The following KHDRBS2 variants were observed in gnomAD, a reference collection of about 807,000 sequenced individuals.
The protein encoded by KHDRBS2 is KH RNA binding domain containing, signal transduction associated 2, also known as KH domain-containing, RNA-binding, signal transduction-associated protein 2.
Under a neutral mutation model 44.3 loss-of-function variants are expected in KHDRBS2, and 26 were observed. The observed-to-expected ratio is 0.59, with a 90% CI of 0.43 to 0.81. KHDRBS2 has a LOEUF of 0.81. KHDRBS2 is among the 40% of genes least tolerant of loss of function. The probability of loss-of-function intolerance (pLI) is 0.00; values close to 1 mark genes in which losing one functional copy is unlikely to be tolerated. For synonymous variants in KHDRBS2, 194 were observed against 151.1 expected (o/e 1.28, Z -2.08); for missense variants, 476 against 433.1 (o/e 1.10, Z -0.88).
downstream of KHDRBS2, among the ~76,000 whole-genome samples, chr6:61,675,351 CTGTT>C (rs1356068820): frequency 4.6e-5 from 7 of 151,754 alleles, no homozygotes; most frequent in Admixed American, 2.6e-4. Flanking sequence ...TATTTAAAAA[CTGTT>C]AGTGCTTCAA....
chr6:61,565,207 G>A, the KHDRBS2 span, among the ~76,000 whole-genome samples: 1 of 151,982 alleles, frequency 6.6e-6, no homozygotes, highest in Non-Finnish European at 1.5e-5. Context: ...CTGAAACCAT[G>A]AAACTATGAG....
chr6:61,952,263 G>T (rs1043912943), intron 4 of KHDRBS2, among the ~76,000 whole-genome samples: 2 of 152,014 alleles, frequency 1.3e-5, no homozygotes, highest in African/African-American at 4.8e-5. Context: ...GGCAGACTGG[G>T]AGCTACACAG....
chr6:61,859,498 G>A (rs1419969744), intron 6 of KHDRBS2, among the ~76,000 whole-genome samples: 1 of 151,688 alleles, frequency 6.6e-6, no homozygotes, highest in Non-Finnish European at 1.5e-5. Context: ...CCATTTATAT[G>A]GGGTTTGGGC....
At chr6:61,749,261 C>A (rs529858178) in intron 6 of KHDRBS2, among the ~76,000 whole-genome samples, 1 of 152,014 alleles carries the variant, frequency 6.6e-6, no homozygotes, top group Non-Finnish European at 1.5e-5. Flanking sequence ...GATCCACATG[C>A]CTCGGCCTCC....
the KHDRBS2 span, among the ~76,000 whole-genome samples, chr6:61,565,998 G>GGTGTGT: frequency 3.6e-4 from 53 of 148,968 alleles, no homozygotes; most frequent in South Asian, 6.4e-4. Context: ...AAGAAAATGT[G>GGTGTGT]GTGTGTGTGT....
At chr6:61,811,674 A>T (rs1439174666) in intron 6 of KHDRBS2, among the ~76,000 whole-genome samples, 1 of 152,030 alleles carries the variant, frequency 6.6e-6, no homozygotes, top group Non-Finnish European at 1.5e-5. Context: ...GTTTCTTGAT[A>T]TCTCAGCTTC....
At chr6:62,022,293 A>T (rs1411447798) in intron 3 of KHDRBS2, among the ~76,000 whole-genome samples, 2 of 151,838 alleles carry the variant, frequency 1.3e-5, no homozygotes, top group African/African-American at 4.8e-5. Context: ...AATGTAATTT[A>T]TGAAGTAAAA....
intron 2 of KHDRBS2, among the ~76,000 whole-genome samples, chr6:62,073,661 A>G (rs1584526575): frequency 6.7e-6 from 1 of 148,510 alleles, no homozygotes; most frequent in Non-Finnish European, 1.5e-5. Flanking sequence ...TGATGTGAGA[A>G]CTTCCTTCTT....
rs183006196 is a variant in KHDRBS2, at chr6:62,010,931, C to A, written c.337-32719G>T. Among the ~76,000 whole-genome samples, 258 of 152,174 alleles carry A rather than the reference C, an allele frequency of 1.7e-3. 9 individuals are homozygous for A. The South Asian group carries it at 0.048, about 28-fold the overall frequency. ...ATAAAATTAGGGCCCAAACATTCCACCTCCTGTATTAAAAAAATAAACATT... is the reference window on the plus strand; with the variant it reads ...ATAAAATTAGGGCCCAAACATTCCAACTCCTGTATTAAAAAAATAAACATT... On this transcript the variant is annotated intron_variant, in intron 3 of 8. Transcript: ENST00000281156.
chr6:61,966,416 C>T (rs549778522), intron 4 of KHDRBS2, among the ~76,000 whole-genome samples: 2 of 152,034 alleles, frequency 1.3e-5, no homozygotes, highest in South Asian at 4.1e-4. Flanking sequence ...GACTGTGATG[C>T]TTCTAGTGTA....
chr6:62,014,917 CA>C (rs1370623058), intron 3 of KHDRBS2, among the ~76,000 whole-genome samples: 4 of 152,058 alleles, frequency 2.6e-5, no homozygotes, highest in Admixed American at 1.3e-4. Context: ...TCTTAATACA[CA>C]AAGATATATC....
chr6:61,753,469 T>C (rs759263071), intron 6 of KHDRBS2, among the ~76,000 whole-genome samples: 3 of 152,194 alleles, frequency 2.0e-5, no homozygotes, highest in Non-Finnish European at 4.4e-5. Flanking sequence ...AACTGTTTAG[T>C]AGAATGATCA....
At chr6:61,572,507 T>TAACA in the KHDRBS2 span, among the ~76,000 whole-genome samples, 2 of 151,666 alleles carry the variant, frequency 1.3e-5, no homozygotes, top group Non-Finnish European at 2.9e-5. Context: ...GGAAAAGACA[T>TAACA]AACAAACAAA....
chr6:61,545,623 T>C, the KHDRBS2 span, among the ~76,000 whole-genome samples: 2 of 151,770 alleles, frequency 1.3e-5, no homozygotes, highest in Non-Finnish European at 1.5e-5. Flanking sequence ...ATATGTTGAG[T>C]GAGAAAAGCA....
intron 6 of KHDRBS2, among the ~76,000 whole-genome samples, chr6:61,878,506 AG>A (rs1344994281): frequency 6.6e-6 from 1 of 151,964 alleles, no homozygotes; most frequent in Admixed American, 6.6e-5. Flanking sequence ...TTGGTTCCCC[AG>A]GGATAGCAGA....
chr6:61,726,982 A>G (rs2127558400), intron 7 of KHDRBS2, among the ~76,000 whole-genome samples: 1 of 152,328 alleles, frequency 6.6e-6, no homozygotes, highest in East Asian at 1.9e-4. Flanking sequence ...CTAAGCAAAG[A>G]GAACAAAGCT....
chr6:62,136,993 C>CTTTTTTTTTTTTTTTTTTTTT (rs141092447), intron 2 of KHDRBS2, among the ~76,000 whole-genome samples: 1 of 78,320 alleles, frequency 1.3e-5, no homozygotes, highest in Non-Finnish European at 2.3e-5. Flanking sequence ...TCTTTCTTTT[C>CTTTTTTTTTTTTTTTTTTTTT]TTTTTTTTTT....
intron 3 of KHDRBS2, among the ~76,000 whole-genome samples, chr6:62,014,973 T>C (rs1584163963): frequency 6.6e-6 from 1 of 152,284 alleles, no homozygotes; most frequent in South Asian, 2.1e-4. Context: ...GTGGATTTTT[T>C]TACCTTGGCA....
Position 61,837,879 on chromosome 6 carries a change from T to C in KHDRBS2, c.810+56756A>G, listed in dbSNP as rs139719084. ...ATGAGAGCAAGAACCTGTGCACCTATGACAGCAGTATGGTAGATGCTCTAT... is the reference window on the plus strand; with the variant it reads ...ATGAGAGCAAGAACCTGTGCACCTACGACAGCAGTATGGTAGATGCTCTAT... On this transcript the variant is annotated intron_variant, in intron 6 of 8. Coordinates refer to ENST00000281156, the MANE Select transcript of KHDRBS2 (RefSeq NM_152688.4). Among the ~76,000 whole-genome samples, 712 of 152,158 alleles carry C rather than the reference T, an allele frequency of 4.7e-3. 10 individuals are homozygous for C. Among genetic ancestry groups the C allele is most frequent in the African/African-American group, 0.016 (671 of 41,568 alleles).
Sources: gnomAD v4.1 joint callset for allele counts (sites outside exome capture counted in the v4.1 genomes callset) on GRCh38, gnomAD v4.1.1 for gene constraint, MANE v1.5 for transcripts, NCBI Gene and HGNC (gene_info 2026-07-23, HGNC 2026-07-21) for gene names.